The following SGCD variants were observed in gnomAD, a reference collection of about 807,000 sequenced individuals.
SGCD encodes the protein sarcoglycan delta.
A neutral mutation model predicts 36.6 loss-of-function variants in SGCD; 18 were observed. That is an observed-to-expected ratio of 0.49 (90% CI 0.34 to 0.73). The LOEUF (loss-of-function observed/expected upper bound fraction) is 0.73, where lower values mean the gene tolerates loss of function less well. Among genes scored for constraint, SGCD ranks in the 30% least tolerant of loss-of-function variants. The probability of loss-of-function intolerance (pLI) is 0.01; values close to 1 mark genes in which losing one functional copy is unlikely to be tolerated. For missense variants in SGCD, 387 were observed against 346.7 expected, an observed-to-expected ratio of 1.12 and a Z score of -0.92; for synonymous variants, 133 against 130.6, an observed-to-expected ratio of 1.02 and a Z score of -0.12.
At chr5:156,137,942 T>C (rs78073979) in intron 3 of SGCD, among the ~76,000 whole-genome samples, 5,574 of 152,300 alleles carry the variant, frequency 0.037, 337 homozygotes, top group African/African-American at 0.13. Context: ...TAATATACAA[T>C]AAAATCACAC....
intron 1 of SGCD, among the ~76,000 whole-genome samples, chr5:156,328,331 A>C (rs1767908002): frequency 6.6e-6 from 1 of 152,346 alleles, no homozygotes; most frequent in African/African-American, 2.4e-5. Flanking sequence ...ATCTGTGACA[A>C]CATTGGTTTT....
chr5:155,973,820 A>G (rs1208779712), intron 1 of SGCD, among the ~76,000 whole-genome samples: 2 of 152,160 alleles, frequency 1.3e-5, no homozygotes, highest in African/African-American at 4.8e-5. Flanking sequence ...TGCAACTGCC[A>G]TTACCTAAAA....
chr5:156,760,554 A>G lies in SGCD; in HGVS notation c.*1164A>G, dbSNP rs1281487398. Reference sequence around the variant, plus strand: ...TTGTGTTTTCTCTAAGAAGCACTACATGCCACCAGAATTGTGCACTGAAAG... The same window carrying G: ...TTGTGTTTTCTCTAAGAAGCACTACGTGCCACCAGAATTGTGCACTGAAAG... On this transcript the variant is annotated 3_prime_UTR_variant, in exon 9 of 9. Coordinates refer to ENST00000337851, the MANE Select transcript of SGCD (RefSeq NM_000337.6). The G allele has an allele frequency of 6.6e-6, 1 of 152,624 alleles. No individual in the cohort carries two copies. Among genetic ancestry groups the G allele is most frequent in the Non-Finnish European group, 1.5e-5 (1 of 68,040 alleles). 9.5% of individuals were successfully genotyped at this position (152,624 alleles called of 1,614,324 possible). A position where few individuals can be genotyped will look rare whatever the true frequency, so the allele number is the denominator to read the frequency against.
intron 7 of SGCD, among the ~76,000 whole-genome samples, chr5:156,713,289 A>C (rs1325665776): frequency 2.7e-4 from 41 of 152,158 alleles, no homozygotes; most frequent in Non-Finnish European, 4.4e-5. Context: ...ATATTTATTA[A>C]CACATGTATG....
intron 1 of SGCD, among the ~76,000 whole-genome samples, chr5:155,890,153 G>A (rs1756090872): frequency 1.3e-5 from 2 of 152,130 alleles, no homozygotes; most frequent in African/African-American, 4.8e-5. Flanking sequence ...GATGAACCAT[G>A]GACAAGCTAA....
intron 1 of SGCD, among the ~76,000 whole-genome samples, chr5:156,106,768 A>G (rs1337318243): frequency 2.0e-5 from 3 of 152,154 alleles, no homozygotes; most frequent in Non-Finnish European, 2.9e-5. Context: ...TTTCTTGCCC[A>G]CTAATATCTG....
At chr5:156,649,494 A>C (rs1763371555) in intron 7 of SGCD, among the ~76,000 whole-genome samples, 3 of 152,198 alleles carry the variant, frequency 2.0e-5, no homozygotes, top group South Asian at 4.1e-4. Context: ...GGATTAAGAA[A>C]ATGTGGTACA....
intron 1 of SGCD, among the ~76,000 whole-genome samples, chr5:156,079,468 A>G (rs1760889768): frequency 6.6e-6 from 1 of 152,230 alleles, no homozygotes; most frequent in African/African-American, 2.4e-5. Flanking sequence ...TTCCGAGCCC[A>G]AAGTCTCATC....
intron 3 of SGCD, among the ~76,000 whole-genome samples, chr5:156,257,282 G>A: frequency 6.6e-6 from 1 of 151,912 alleles, no homozygotes; most frequent in East Asian, 2.0e-4. Flanking sequence ...AGAGCATCCT[G>A]GCTAACACGG....
At position 156,556,131 on chromosome 5, in the gene SGCD, A is replaced by C. The variant is rs918660832; in HGVS notation, c.295-33100A>C. ...TCTGATACAGATAAGAAAAAAAAAA[A>C]AAAACCCAGGTATTAGAGATACGCT... On this transcript the variant is annotated intron_variant, in intron 4 of 8. Coordinates refer to ENST00000337851, the MANE Select transcript of SGCD (RefSeq NM_000337.6). 4.5e-3 allele frequency among the ~76,000 whole-genome samples: 683 copies of C among 151,892 alleles called. 5 individuals are homozygous for C. Among genetic ancestry groups the C allele is most frequent in the African/African-American group, 0.014 (568 of 41,432 alleles).
rs1757573260 is a variant in SGCD at position 156,765,589 on chromosome 5, A to T, written c.*6199A>T. On this transcript the variant is annotated 3_prime_UTR_variant, in exon 9 of 9. Coordinates refer to ENST00000337851, the MANE Select transcript of SGCD (RefSeq NM_000337.6). ...TATTAATATTCACTGAGCTATTGCTAGCCACTGTGCTAAACATTTTACATA... is the reference window on the plus strand; with the variant it reads ...TATTAATATTCACTGAGCTATTGCTTGCCACTGTGCTAAACATTTTACATA... 6.6e-6 allele frequency: 1 copy of T among 152,224 alleles called. No individual in the cohort carries two copies. The highest frequency in any genetic ancestry group is 2.4e-5 in the African/African-American group (1 of 41,458). The allele number at this position is 152,224 out of a possible 1,614,324, so 9.4% of individuals were successfully genotyped here.
chr5:156,576,199 T>G lies in SGCD; in HGVS notation c.295-13032T>G, dbSNP rs531178803. On this transcript the variant is annotated intron_variant, in intron 4 of 8. Coordinates refer to ENST00000337851, the MANE Select transcript of SGCD (RefSeq NM_000337.6). ...GTTTGGTTTTCTGTCCTTCTGATAG[T>G]TTGCTCAGAATGATGGTTTCCAGCT... Among the ~76,000 whole-genome samples, 8 of 152,192 alleles carry G rather than the reference T, an allele frequency of 5.3e-5. No homozygotes were observed. In the East Asian group the frequency reaches 1.2e-3, roughly 22 times the overall value.
At chr5:156,686,921 T>G (rs1406035412) in intron 7 of SGCD, among the ~76,000 whole-genome samples, 1 of 152,116 alleles carries the variant, frequency 6.6e-6, no homozygotes. Flanking sequence ...TGGCTGTGAT[T>G]TATTAACGTG....
chr5:156,733,659 C>T (rs1756196776), intron 7 of SGCD, among the ~76,000 whole-genome samples: 1 of 152,018 alleles, frequency 6.6e-6, no homozygotes, highest in Non-Finnish European at 1.5e-5. Context: ...TCTCTAAGAA[C>T]TTGCTTTATG....
At chr5:156,012,829 G>C (rs1581041380) in intron 1 of SGCD, among the ~76,000 whole-genome samples, 1 of 151,788 alleles carries the variant, frequency 6.6e-6, no homozygotes, top group African/African-American at 2.4e-5. Context: ...AGCCAGGATG[G>C]TCTCGATTTC....
chr5:156,018,139 C>G (rs1040494445), intron 1 of SGCD, among the ~76,000 whole-genome samples: 1 of 152,066 alleles, frequency 6.6e-6, no homozygotes, highest in Non-Finnish European at 1.5e-5. Context: ...CTGAGCAACA[C>G]GGTGAGACCC....
rs1753532981 is a variant in SGCD, at chr5:156,442,378, C to G, written c.193-66223C>G. On this transcript the variant is annotated intron_variant, in intron 3 of 8. Coordinates refer to ENST00000337851, the MANE Select transcript of SGCD (RefSeq NM_000337.6). ...TGGTTTAAACCGCTCTACCATTTCC[C>G]ATCTCTGGACCTTTTGTAAGTCCCC... 3.9e-5 allele frequency among the ~76,000 whole-genome samples: 6 copies of G among 152,276 alleles called. No homozygotes were observed. In the South Asian group the frequency reaches 1.2e-3, roughly 32 times the overall value.
At chr5:156,142,435 G>A (rs1441636113) in intron 3 of SGCD, among the ~76,000 whole-genome samples, 1 of 152,188 alleles carries the variant, frequency 6.6e-6, no homozygotes, top group Admixed American at 6.5e-5. Context: ...TAGGTAATGG[G>A]CAGGAGTTGG....
intron 3 of SGCD, among the ~76,000 whole-genome samples, chr5:156,312,175 G>A (rs1767407724): frequency 6.6e-6 from 1 of 152,178 alleles, no homozygotes; most frequent in Non-Finnish European, 1.5e-5. Flanking sequence ...AAGACTCTGA[G>A]AAGTTAGAAT....
Sources: allele counts gnomAD v4.1 joint callset (sites outside exome capture counted in the v4.1 genomes callset), GRCh38; gene constraint gnomAD v4.1.1; transcripts MANE v1.5; gene names NCBI Gene and HGNC (gene_info 2026-07-23, HGNC 2026-07-21).